The following FAM135A variants were observed in gnomAD, a reference collection of about 807,000 sequenced individuals.
FAM135A encodes the protein family with sequence similarity 135 member A.
A neutral mutation model predicts 146.8 loss-of-function variants in FAM135A; 79 were observed. That is an observed-to-expected ratio of 0.54 (90% CI 0.45 to 0.65). FAM135A has a LOEUF of 0.65. Ranked by LOEUF, FAM135A falls within the 30% of genes least tolerant of loss-of-function variation. The probability of loss-of-function intolerance (pLI) is 0.00; values close to 1 mark genes in which losing one functional copy is unlikely to be tolerated. For synonymous variants in FAM135A, 562 were observed against 603.6 expected, an observed-to-expected ratio of 0.93 and a Z score of 1.01; for missense variants, 1,623 against 1,758.2, an observed-to-expected ratio of 0.92 and a Z score of 1.38.
At chr6:70,488,114 A>G (rs1025919314) in intron 10 of FAM135A, among the ~76,000 whole-genome samples, 3 of 152,168 alleles carry the variant, frequency 2.0e-5, no homozygotes, top group Non-Finnish European at 4.4e-5. Flanking sequence ...ACTAGGTAGT[A>G]TGTAAAGATA....
intron 4 of FAM135A, among the ~76,000 whole-genome samples, chr6:70,451,853 A>T (rs1777163807): frequency 6.6e-6 from 1 of 152,090 alleles, no homozygotes; most frequent in African/African-American, 2.4e-5. Context: ...CATTACATAC[A>T]CAAATTTGCA....
intron 5 of FAM135A, among the ~76,000 whole-genome samples, chr6:70,459,295 A>G (rs1778964884): frequency 6.6e-6 from 1 of 152,204 alleles, no homozygotes; most frequent in Non-Finnish European, 1.5e-5. Flanking sequence ...AGTTTAAAAT[A>G]ATGATTTCTG....
rs1357087992 is a variant in FAM135A, at chr6:70,426,088, C to T, written c.-133-351C>T. 7.5e-5 allele frequency among the ~76,000 whole-genome samples: 11 copies of T among 147,166 alleles called. No homozygotes were observed. In the South Asian group the frequency reaches 1.3e-3, roughly 17 times the overall value. On this transcript the variant is annotated intron_variant, in intron 2 of 21. Transcript: ENST00000418814. ...ACTGCAGTCCGCAGTCTGGCCTGGG[C>T]GACAGAGCGAGACTCCGTCTCAAAA...
In FAM135A at chr6:70,525,650, A is replaced by G; in HGVS notation, c.2566A>G (p.Lys856Glu). Residue 856 changes from lysine to glutamate, a missense_variant, in exon 15 of 22, where the codon AAG (lysine) becomes GAG (glutamate). Lys to Glu is a moderately conservative substitution (Grantham distance 56). Coordinates refer to ENST00000418814, the MANE Select transcript of FAM135A (RefSeq NM_001162529.3). ...DDELSPDENS[K>E]KSVVPECHLN... ...TGAACTGTCACCTGATGAAAATTCT[A>G]AGAAATCTGTTGTACCTGAATGCCA... 6.2e-7 allele frequency: 1 copy of G among 1,612,824 alleles called. No individual in the cohort carries two copies.
In FAM135A at chr6:70,560,619, A is replaced by G. The variant is rs1441853096; in HGVS notation, c.*698A>G. ...GTTCCTGTACATGTTGGCAGCAGAT[A>G]AAGATTTTTGAATGTTTGAATGCCC... On this transcript the variant is annotated 3_prime_UTR_variant, in exon 22 of 22. Coordinates refer to ENST00000418814, the MANE Select transcript of FAM135A (RefSeq NM_001162529.3). 1 of 152,584 alleles carries G rather than the reference A, an allele frequency of 6.6e-6. No homozygotes were observed. The highest frequency in any genetic ancestry group is 1.5e-5 in the Non-Finnish European group (1 of 67,980). The allele number at this position is 152,584 out of a possible 1,614,324, so 9.5% of individuals were successfully genotyped here.
intron 5 of FAM135A, among the ~76,000 whole-genome samples, chr6:70,453,242 G>C (rs1777532240): frequency 6.6e-6 from 1 of 152,100 alleles, no homozygotes; most frequent in Admixed American, 6.5e-5. Flanking sequence ...TGAATTACTA[G>C]TTTTTAAAGC....
chr6:70,496,268 CT>C (rs1266842590), intron 11 of FAM135A, among the ~76,000 whole-genome samples: 1 of 152,100 alleles, frequency 6.6e-6, no homozygotes, highest in African/African-American at 2.4e-5. Flanking sequence ...TGATGATAAG[CT>C]TTTTTTCATA....
intron 5 of FAM135A, among the ~76,000 whole-genome samples, chr6:70,457,404 A>T (rs111267098): frequency 2.4e-3 from 368 of 152,362 alleles, no homozygotes; most frequent in African/African-American, 8.2e-3. Flanking sequence ...GGTTACACCT[A>T]ATCTGTGCAT....
At chr6:70,495,227 T>C (rs2128228856) in intron 11 of FAM135A, among the ~76,000 whole-genome samples, 1 of 152,324 alleles carries the variant, frequency 6.6e-6, no homozygotes, top group Non-Finnish European at 1.5e-5. Context: ...TTATGGGAGC[T>C]CTTTTTCATA....
chr6:70,538,778 C>T (rs1020954997), intron 20 of FAM135A, among the ~76,000 whole-genome samples: 1 of 146,444 alleles, frequency 6.8e-6, no homozygotes, highest in Non-Finnish European at 1.5e-5. Flanking sequence ...TAAACTGCCA[C>T]GTTTTTCTAC....
intron 15 of FAM135A, among the ~76,000 whole-genome samples, chr6:70,527,284 C>T (rs553036124): frequency 5.3e-5 from 8 of 152,096 alleles, no homozygotes; most frequent in African/African-American, 1.9e-4. Flanking sequence ...ACAGGTTTAC[C>T]AGCGTGCACT....
intron 20 of FAM135A, among the ~76,000 whole-genome samples, chr6:70,547,836 A>C (rs1454546140): frequency 3.3e-5 from 5 of 152,206 alleles, no homozygotes; most frequent in African/African-American, 1.2e-4. Flanking sequence ...AAAAGTAACA[A>C]CATACTTACA....
chr6:70,489,379 A>G (rs1219738134), intron 10 of FAM135A, among the ~76,000 whole-genome samples: 5 of 148,550 alleles, frequency 3.4e-5, no homozygotes, highest in Admixed American at 1.3e-4. Flanking sequence ...TTTGGTATAT[A>G]TCAATATCTA....
rs113536399 is a variant in FAM135A at position 70,537,628 on chromosome 6, T to C, written c.4118-663T>C. 4.2e-3 allele frequency among the ~76,000 whole-genome samples: 640 copies of C among 152,346 alleles called. 3 individuals are homozygous for C. The highest frequency in any genetic ancestry group is 0.015 in the African/African-American group (604 of 41,584). ...TCAGTTTTAACCAATTAAAGGATTG[T>C]TTTCCTTTAATTTTCTCCTGTTTCC... is the stretch of plus-strand genomic sequence containing the variant. On this transcript the variant is annotated intron_variant, in intron 19 of 21. Transcript: ENST00000418814.
chr6:70,445,506 T>A (rs953571019), intron 4 of FAM135A, among the ~76,000 whole-genome samples: 2 of 152,210 alleles, frequency 1.3e-5, no homozygotes, highest in African/African-American at 4.8e-5. Flanking sequence ...ACGTATTTAT[T>A]AACAGCAAGC....
At chr6:70,495,633 ATTTTATT>A (rs1419674409) in intron 11 of FAM135A, among the ~76,000 whole-genome samples, 2 of 151,996 alleles carry the variant, frequency 1.3e-5, no homozygotes, top group Admixed American at 6.6e-5. Flanking sequence ...AATATATTTT[ATTTTATT>A]TTTTATTTTT....
intron 4 of FAM135A, among the ~76,000 whole-genome samples, chr6:70,439,496 G>C (rs1207402008): frequency 1.3e-5 from 2 of 151,750 alleles, no homozygotes; most frequent in Non-Finnish European, 2.9e-5. Flanking sequence ...CTCTTTCCTT[G>C]TATTCTATAT....
At chr6:70,521,090 T>A (rs1164609629) in intron 12 of FAM135A, among the ~76,000 whole-genome samples, 1 of 152,114 alleles carries the variant, frequency 6.6e-6, no homozygotes, top group Non-Finnish European at 1.5e-5. Context: ...TCCTAGAGGT[T>A]TTTTTTTGTT....
chr6:70,459,396 A>G (rs951376488), intron 5 of FAM135A, among the ~76,000 whole-genome samples: 4 of 152,200 alleles, frequency 2.6e-5, no homozygotes, highest in Non-Finnish European at 5.9e-5. Flanking sequence ...TTTCCAGCAC[A>G]AGATTATGCT....
Sources: gnomAD v4.1 joint callset for allele counts (sites outside exome capture counted in the v4.1 genomes callset) on GRCh38, gnomAD v4.1.1 for gene constraint, MANE v1.5 for transcripts, NCBI Gene and HGNC (gene_info 2026-07-23, HGNC 2026-07-21) for gene names.